TFCP2L1: variants seen among roughly 807,000 people sequenced by gnomAD.
TFCP2L1 encodes transcription factor CP2-like protein 1.
In TFCP2L1, 12 loss-of-function variants were observed where a neutral mutation model predicts 72.2. The observed-to-expected ratio is 0.17, with a 90% CI of 0.11 to 0.27. TFCP2L1 has a LOEUF of 0.27. TFCP2L1 is among the 10% of genes least tolerant of loss of function. The pLI, the probability that TFCP2L1 is intolerant of heterozygous loss-of-function variation, is 1.00. For synonymous variants in TFCP2L1, 260 were observed against 251.0 expected (o/e 1.04, Z -0.34); for missense variants, 488 against 624.6 (o/e 0.78, Z 2.33).
chr2:121,271,973 T>G (rs1242880346), intron 2 of TFCP2L1, among the ~76,000 whole-genome samples: 1 of 152,134 alleles, frequency 6.6e-6, no homozygotes, highest in Non-Finnish European at 1.5e-5. Context: ...ACTCCATTCC[T>G]TCCCCCCACA....
intron 2 of TFCP2L1, among the ~76,000 whole-genome samples, chr2:121,266,882 ATTATTTATTTATTTATTTATTTATTTAT>A (rs199919633): frequency 6.9e-6 from 1 of 145,802 alleles, no homozygotes; most frequent in African/African-American, 2.5e-5. Flanking sequence ...TATTTTTTTC[ATTATTTATTTATTTATTTATTTATTTAT>A]TTATTTATTT....
rs1479230048 is a variant in TFCP2L1, at chr2:121,249,657, G to A, written c.215-10C>T. The stretch of plus-strand genomic sequence containing the variant: ...ATTTCATAAGACTGACCTGGATGGG[G>A]GTTAAAAGGACATTTTCCATTTCTG... On this transcript the variant is annotated splice_polypyrimidine_tract_variant and intron_variant, in intron 2 of 14. Transcript: ENST00000263707. 4.3e-6 allele frequency: 7 copies of A among 1,613,732 alleles called. No homozygotes were observed. The highest frequency in any genetic ancestry group is 1.7e-5 in the Admixed American group (1 of 59,988).
chr2:121,278,193 C>T (rs1281373410), intron 2 of TFCP2L1, among the ~76,000 whole-genome samples: 3 of 147,856 alleles, frequency 2.0e-5, no homozygotes, highest in African/African-American at 2.4e-5. Flanking sequence ...CCCGCCACCG[C>T]GCCCGGCTAA....
chr2:121,241,820 A>C (rs1300127568), intron 7 of TFCP2L1, among the ~76,000 whole-genome samples: 1 of 151,420 alleles, frequency 6.6e-6, no homozygotes, highest in Non-Finnish European at 1.5e-5. Flanking sequence ...AGGAACTAGA[A>C]AGCTGTAGGC....
At chr2:121,283,761 C>T (rs1687310157) in intron 1 of TFCP2L1, among the ~76,000 whole-genome samples, 2 of 152,210 alleles carry the variant, frequency 1.3e-5, no homozygotes, top group Admixed American at 6.5e-5. Flanking sequence ...CAAACTAAAA[C>T]TTAGCCAAAG....
chr2:121,228,271 C>T (rs887851334), intron 13 of TFCP2L1, among the ~76,000 whole-genome samples: 3 of 152,180 alleles, frequency 2.0e-5, no homozygotes, highest in African/African-American at 4.8e-5. Context: ...ATATTGCAAG[C>T]GTTCCCCACA....
chr2:121,275,894 A>G (rs1181456163), intron 2 of TFCP2L1, among the ~76,000 whole-genome samples: 1 of 152,206 alleles, frequency 6.6e-6, no homozygotes, highest in Non-Finnish European at 1.5e-5. Flanking sequence ...TAACGGTTAT[A>G]ACCCTCTGTA....
At chr2:121,241,905 G>GCCC (rs1686376719) in intron 7 of TFCP2L1, among the ~76,000 whole-genome samples, 1 of 152,010 alleles carries the variant, frequency 6.6e-6, no homozygotes, top group Non-Finnish European at 1.5e-5. Flanking sequence ...ATAAATGCAG[G>GCCC]CATGGGGCAA....
intron 2 of TFCP2L1, among the ~76,000 whole-genome samples, chr2:121,253,888 C>T (rs893043223): frequency 6.6e-6 from 1 of 152,176 alleles, no homozygotes. Flanking sequence ...TGCCTACCCC[C>T]GTGCCAACAC....
chr2:121,258,777 G>A (rs1254782134), intron 2 of TFCP2L1, among the ~76,000 whole-genome samples: 1 of 152,174 alleles, frequency 6.6e-6, no homozygotes, highest in Non-Finnish European at 1.5e-5. Context: ...AACTGGGTCT[G>A]GATCAAGGCA....
chr2:121,232,890 G>A (rs1167759865), intron 12 of TFCP2L1, among the ~76,000 whole-genome samples: 2 of 152,154 alleles, frequency 1.3e-5, no homozygotes, highest in African/African-American at 4.8e-5. Flanking sequence ...GCAACCCAGG[G>A]TGGGTTACTC....
In TFCP2L1 at chr2:121,222,713, T is replaced by G. The variant is rs1685949916; in HGVS notation, c.*1628A>C. 1 of 152,270 alleles carries G rather than the reference T, an allele frequency of 6.6e-6. No homozygotes were observed. 9.4% of individuals were successfully genotyped at this position (152,270 alleles called of 1,614,324 possible). On this transcript the variant is annotated 3_prime_UTR_variant, in exon 15 of 15. Transcript: ENST00000263707. ...GATGAAAATGTACCAACGTTGACTG[T>G]AATTCTGTGAATTGATGGTGGTTCT...
intron 1 of TFCP2L1, among the ~76,000 whole-genome samples, chr2:121,282,585 A>G (rs1301790552): frequency 6.6e-6 from 1 of 152,074 alleles, no homozygotes; most frequent in Non-Finnish European, 1.5e-5. Flanking sequence ...CTTACAAGGG[A>G]CAAAGAATTC....
chr2:121,248,779 C>T (rs575880644), intron 4 of TFCP2L1, among the ~76,000 whole-genome samples: 1 of 152,222 alleles, frequency 6.6e-6, no homozygotes, highest in Non-Finnish European at 1.5e-5. Flanking sequence ...ATTCCACAGA[C>T]CTTTCTTTTC....
intron 12 of TFCP2L1, among the ~76,000 whole-genome samples, chr2:121,233,457 G>A (rs1078966): frequency 0.011 from 1,642 of 152,226 alleles, 12 homozygotes; most frequent in Non-Finnish European, 0.018. Flanking sequence ...GAGCCACGGC[G>A]CCCAGCCTAC....
chr2:121,246,772 G>A, intron 6 of TFCP2L1, 46 bp downstream of exon 6: 1 of 1,610,774 alleles, frequency 6.2e-7, no homozygotes, highest in Non-Finnish European at 8.5e-7. Context: ...GTGACCACAG[G>A]CCAGGCCAGC....
chr2:121,280,331 G>T (rs1282918875), intron 2 of TFCP2L1, among the ~76,000 whole-genome samples: 1 of 152,292 alleles, frequency 6.6e-6, no homozygotes, highest in South Asian at 2.1e-4. Flanking sequence ...GTCTAGCATG[G>T]ATGGAACCCT....
At chr2:121,244,839 G>C (rs1432192783) in intron 6 of TFCP2L1, among the ~76,000 whole-genome samples, 1 of 152,168 alleles carries the variant, frequency 6.6e-6, no homozygotes, top group African/African-American at 2.4e-5. Context: ...GTGGTGGCCA[G>C]AGCGACAGTG....
In TFCP2L1 at chr2:121,240,189, T is replaced by C. The variant is rs1037672731; in HGVS notation, c.769-540A>G. On this transcript the variant is annotated intron_variant, in intron 7 of 14. Transcript: ENST00000263707. ...AGCTCCTCTCGGTGAAATTTGATGG[T>C]GTTCATTCCATTTCAGGCATTCTGC... The C allele has an allele frequency of 1.3e-5, 13 of 985,110 alleles. No individual in the cohort carries two copies. In the African/African-American group the frequency reaches 2.1e-4, roughly 16 times the overall value. 61.0% of individuals were successfully genotyped at this position (985,110 alleles called of 1,614,324 possible). A position where few individuals can be genotyped will look rare whatever the true frequency, so the allele number is the denominator to read the frequency against.
Sources: allele counts gnomAD v4.1 joint callset (sites outside exome capture counted in the v4.1 genomes callset), GRCh38; gene constraint gnomAD v4.1.1; transcripts MANE v1.5; gene names NCBI Gene and HGNC (gene_info 2026-07-23, HGNC 2026-07-21).